Variants in ARHGEF11 observed in about 807,000 individuals in gnomAD.
The protein encoded by ARHGEF11 is Rho guanine nucleotide exchange factor 11.
In ARHGEF11, 55 loss-of-function variants were observed where a neutral mutation model predicts 193.7. The observed-to-expected ratio is 0.28, with a 90% confidence interval of 0.23 to 0.36. The LOEUF is 0.36. ARHGEF11 is among the 10% of genes least tolerant of loss of function. ARHGEF11 has a pLI of 1.00. For missense variants in ARHGEF11, 1,723 were observed against 2,005.6 expected (o/e 0.86, Z 2.69); for synonymous variants, 693 against 768.0 (o/e 0.90, Z 1.62).
At chr1:157,007,006 G>A (rs1386358606) in intron 1 of ARHGEF11, among the ~76,000 whole-genome samples, 2 of 152,134 alleles carry the variant, frequency 1.3e-5, no homozygotes, top group African/African-American at 2.4e-5. Context: ...TGCTCAGGCA[G>A]CACAGAGTTA....
At chr1:156,961,143 G>A (rs992631701) in intron 14 of ARHGEF11, among the ~76,000 whole-genome samples, 3 of 152,206 alleles carry the variant, frequency 2.0e-5, no homozygotes, top group African/African-American at 7.2e-5. Flanking sequence ...CCCTTTGCAG[G>A]CAGAAATGCT....
At position 156,950,875 on chromosome 1, in the gene ARHGEF11, T is replaced by G. The variant is rs369022941; in HGVS notation, c.1925+698A>C. On this transcript the variant is annotated intron_variant, in intron 22 of 40. Coordinates refer to ENST00000368194, the MANE Select transcript of ARHGEF11 (RefSeq NM_198236.3). Reference sequence around the variant, plus strand: ...TGGTTTTTAAGTGTTGGCTATAGAATTTTAGACATGACTTGACTGCTGTCA... The same window carrying G: ...TGGTTTTTAAGTGTTGGCTATAGAAGTTTAGACATGACTTGACTGCTGTCA... Among the ~76,000 whole-genome samples, 82 of 152,336 alleles carry G rather than the reference T, an allele frequency of 5.4e-4. 1 individual carries two copies. The highest frequency in any genetic ancestry group is 1.9e-3 in the African/African-American group (81 of 41,578).
intron 1 of ARHGEF11, among the ~76,000 whole-genome samples, chr1:157,042,592 A>G (rs1672896721): frequency 6.6e-6 from 1 of 152,212 alleles, no homozygotes; most frequent in Non-Finnish European, 1.5e-5. Context: ...TACCTCACAC[A>G]GAACCACTGT....
At chr1:157,045,967 G>C (rs1490430657), upstream of ARHGEF11, among the ~76,000 whole-genome samples, 1 of 150,428 alleles carries the variant, frequency 6.6e-6, no homozygotes, top group Non-Finnish European at 1.5e-5. Context: ...GGGGGCGGGG[G>C]CGGGAAGCTG....
intron 1 of ARHGEF11, among the ~76,000 whole-genome samples, chr1:156,996,021 T>TA (rs1163922884): frequency 6.6e-6 from 1 of 152,128 alleles, no homozygotes; most frequent in Non-Finnish European, 1.5e-5. Flanking sequence ...AGCCTATACT[T>TA]ATCACAGCTG....
chr1:156,936,619 G>C (rs1411112015), intron 40 of ARHGEF11, among the ~76,000 whole-genome samples, 197 bp downstream of exon 40: 1 of 150,484 alleles, frequency 6.6e-6, no homozygotes. Context: ...TCAGTGCTAA[G>C]CTCCCCATTT....
At chr1:156,952,885 G>C (rs1045070710) in intron 21 of ARHGEF11, among the ~76,000 whole-genome samples, 1 of 152,248 alleles carries the variant, frequency 6.6e-6, no homozygotes, top group African/African-American at 2.4e-5. Context: ...CCATGCAGAT[G>C]CCAGGGCCAG....
chr1:156,942,140 C>T (rs1657133837), intron 33 of ARHGEF11, 151 bp from the exon 34 acceptor site: 1 of 1,121,760 alleles, frequency 8.9e-7, no homozygotes, highest in East Asian at 2.6e-5. Flanking sequence ...TCCCTGGCTG[C>T]TCCCTTGCGG....
At chr1:156,974,230 G>A (rs530438763) in intron 7 of ARHGEF11, among the ~76,000 whole-genome samples, 2 of 152,148 alleles carry the variant, frequency 1.3e-5, no homozygotes, top group East Asian at 3.9e-4. Flanking sequence ...ATTATGCCTG[G>A]CTAATTTTTA....
intron 37 of ARHGEF11, 75 bp downstream of exon 37, chr1:156,939,473 A>G (rs1223179779): frequency 6.3e-7 from 1 of 1,592,440 alleles, no homozygotes; most frequent in East Asian, 2.2e-5. Flanking sequence ...ATAGGGAAGG[A>G]AGCAGCTGTT....
chr1:156,944,808 A>C (rs532935736), intron 30 of ARHGEF11, among the ~76,000 whole-genome samples: 4 of 152,222 alleles, frequency 2.6e-5, no homozygotes, highest in African/African-American at 9.6e-5. Flanking sequence ...CTGAGTTCCA[A>C]CATCTAGTCT....
intron 1 of ARHGEF11, among the ~76,000 whole-genome samples, chr1:156,989,727 C>T (rs115304754): frequency 0.015 from 2,270 of 152,288 alleles, 57 homozygotes; most frequent in African/African-American, 0.052. Flanking sequence ...CTGACCACTG[C>T]AGCACACATT....
intron 1 of ARHGEF11, among the ~76,000 whole-genome samples, chr1:157,007,914 T>TG (rs1668032153): frequency 1.4e-4 from 1 of 7,298 alleles, no homozygotes. Flanking sequence ...TTTTTTTTTG[T>TG]TTTTTTTTTT....
At position 156,945,207 on chromosome 1, in the gene ARHGEF11, T is replaced by G. The variant is rs1348066574; in HGVS notation, c.2813-10A>C. On this transcript the variant is annotated splice_polypyrimidine_tract_variant and intron_variant, in intron 29 of 40. Transcript: ENST00000368194. ...TGCTCAGAGGTGCCACCTACCAAAA[T>G]GGACAGAAGAGATGGTTGGGGCTCC... 6.2e-7 allele frequency: 1 copy of G among 1,611,678 alleles called. No individual in the cohort carries two copies. Among genetic ancestry groups the G allele is most frequent in the Non-Finnish European group, 8.5e-7 (1 of 1,178,646 alleles).
chr1:156,941,902 A>C lies in ARHGEF11; in HGVS notation c.3414T>G (p.Gly1138=). ...APMPVHPPPP[G]PREPAQQGPT... ...GGCCCTGCTGGGCTGGCTCCCGGGG[A>C]CCTGGGGGTGGAGGATGGACGGGCA... is the stretch of plus-strand genomic sequence containing the variant. The change falls in exon 34 of 41, where the codon GGT becomes GGG. Residue 1138 remains glycine, a synonymous_variant. Transcript: ENST00000368194. 1 of 1,613,552 alleles carries C rather than the reference A, an allele frequency of 6.2e-7. No individual in the cohort carries two copies. The highest frequency in any genetic ancestry group is 8.5e-7 in the Non-Finnish European group (1 of 1,179,790).
At chr1:157,017,898 A>G (rs748536553) in intron 1 of ARHGEF11, among the ~76,000 whole-genome samples, 13 of 152,126 alleles carry the variant, frequency 8.5e-5, no homozygotes, top group Non-Finnish European at 1.5e-4. Context: ...TAAAACTGTC[A>G]TATTTCCAGA....
chr1:156,946,025 A>T lies in ARHGEF11; in HGVS notation c.2812+20T>A, dbSNP rs757488468. Reference sequence around the variant, plus strand: ...CACGAGGCCCACTGCCTGTGATGCCAGCCCCTCCCCAGGTGCTACCCTCTG... The same window carrying T: ...CACGAGGCCCACTGCCTGTGATGCCTGCCCCTCCCCAGGTGCTACCCTCTG... On this transcript the variant is annotated intron_variant, in intron 29 of 40. Transcript: ENST00000368194. The T allele has an allele frequency of 6.9e-6, 11 of 1,597,748 alleles. No individual in the cohort carries two copies. The highest frequency in any genetic ancestry group is 9.4e-6 in the Non-Finnish European group (11 of 1,166,962).
intron 5 of ARHGEF11, among the ~76,000 whole-genome samples, chr1:156,978,959 G>A (rs1374308726): frequency 6.6e-6 from 1 of 152,220 alleles, no homozygotes; most frequent in African/African-American, 2.4e-5. Context: ...GGTCTCAGTA[G>A]GATATGGTCT....
intron 16 of ARHGEF11, 71 bp from the exon 17 acceptor site, chr1:156,958,935 C>G (rs188985533): frequency 2.0e-5 from 33 of 1,610,382 alleles, no homozygotes; most frequent in Non-Finnish European, 2.6e-5. Context: ...CCAGAAAGAA[C>G]AAGACAAACA....
Sources: allele counts gnomAD v4.1 joint callset (sites outside exome capture counted in the v4.1 genomes callset), GRCh38; gene constraint gnomAD v4.1.1; transcripts MANE v1.5; gene names NCBI Gene and HGNC (gene_info 2026-07-23, HGNC 2026-07-21).